Variants in ST6GALNAC2 observed in about 807,000 individuals in gnomAD.
The protein encoded by ST6GALNAC2 is alpha-N-acetylgalactosaminide alpha-2,6-sialyltransferase 2.
A neutral mutation model predicts 38.7 loss-of-function variants in ST6GALNAC2; 42 were observed. That is an observed-to-expected ratio of 1.09 (90% confidence interval 0.85 to 1.40). The LOEUF is 1.40. Among genes scored for constraint, ST6GALNAC2 ranks in the 40% most tolerant of loss-of-function variants. The pLI, the probability that ST6GALNAC2 is intolerant of heterozygous loss-of-function variation, is 0.00. For synonymous variants in ST6GALNAC2, 233 were observed against 209.0 expected, an observed-to-expected ratio of 1.11 and a Z score of -0.99; for missense variants, 506 against 481.7, an observed-to-expected ratio of 1.05 and a Z score of -0.47.
At chr17:76,579,328 G>C (rs2075451102) in intron 1 of ST6GALNAC2, among the ~76,000 whole-genome samples, 1 of 152,238 alleles carries the variant, frequency 6.6e-6, no homozygotes, top group South Asian at 2.1e-4. Context: ...CCCTCAGCAA[G>C]TGGCAGAAAT....
chr17:76,581,401 C>T (rs9892510), intron 1 of ST6GALNAC2, among the ~76,000 whole-genome samples: 114,057 of 151,614 alleles, frequency 0.75, 43,217 homozygotes, highest in East Asian at 0.84. Context: ...TCTGATCTGA[C>T]TGTTCTGGGG....
intron 8 of ST6GALNAC2, among the ~76,000 whole-genome samples, chr17:76,566,508 C>T (rs908123688): frequency 5.9e-5 from 9 of 152,044 alleles, no homozygotes; most frequent in African/African-American, 1.9e-4. Flanking sequence ...GAGGCAAAAG[C>T]CCATTACTAC....
intron 7 of ST6GALNAC2, chr17:76,568,432 A>G: frequency 2.1e-6 from 1 of 479,948 alleles, no homozygotes; most frequent in Non-Finnish European, 3.7e-6. Context: ...TGTGCACCTT[A>G]TGGTCCCAGC....
At position 76,573,427 on chromosome 17, in the gene ST6GALNAC2, C is replaced by G; in HGVS notation, c.362-64G>C. 4 of 1,428,552 alleles carry G rather than the reference C, an allele frequency of 2.8e-6. No individual in the cohort carries two copies. The highest frequency in any genetic ancestry group is 2.7e-5 in the East Asian group (1 of 37,534). 88.5% of individuals were successfully genotyped at this position (1,428,552 alleles called of 1,614,324 possible). ...GCATCGGGGGCACCTGGGGCCTTCC[C>G]TAGGCTGGTTCTGGTGCCCCATCTC... On this transcript the variant is annotated intron_variant, in intron 3 of 8. Transcript: ENST00000225276. This position sits in a 1 kb window ranked among gnomAD's most constrained non-coding sequence, Gnocchi z 5.1.
At chr17:76,569,036 T>A in intron 6 of ST6GALNAC2, 1 of 97,850 alleles carries the variant, frequency 1.0e-5, no homozygotes, top group Non-Finnish European at 1.9e-5. Flanking sequence ...GAGGGGGGCA[T>A]GAACAGACCG....
Position 76,585,675 on chromosome 17 carries a change from A to G in ST6GALNAC2, c.125+9T>C. 6.6e-7 allele frequency: 1 copy of G among 1,521,976 alleles called. No homozygotes were observed. Among genetic ancestry groups the G allele is most frequent in the Non-Finnish European group, 8.8e-7 (1 of 1,140,054 alleles). The allele number at this position is 1,521,976 out of a possible 1,614,324, so 94.3% of individuals were successfully genotyped here. ...TGCGCCCTCCCGCTCTGCGCTCGGC[A>G]GCCCCTACCTGGCTCCGGCCGCTGG... On this transcript the variant is annotated intron_variant, in intron 1 of 8. Transcript: ENST00000225276.
intron 1 of ST6GALNAC2, among the ~76,000 whole-genome samples, chr17:76,584,524 G>C (rs889094996): frequency 6.6e-6 from 1 of 152,172 alleles, no homozygotes; most frequent in African/African-American, 2.4e-5. Context: ...CTGTCAACCA[G>C]GCTGGAATGC....
Position 76,572,623 on chromosome 17 carries a change from G to T in ST6GALNAC2, c.669+14C>A, listed in dbSNP as rs778096659. The T allele has an allele frequency of 3.1e-6, 5 of 1,613,668 alleles. No individual in the cohort carries two copies. Among genetic ancestry groups the T allele is most frequent in the Non-Finnish European group, 2.5e-6 (3 of 1,179,930 alleles). ...CATTGTCAACCACAATGGCATGCCC[G>T]CCAGAGGCCTCACCTGTCCTTGTGG... On this transcript the variant is annotated intron_variant, in intron 5 of 8. Transcript: ENST00000225276.
At chr17:76,578,582 C>G (rs945836669) in intron 2 of ST6GALNAC2, among the ~76,000 whole-genome samples, 174 bp downstream of exon 2, 2 of 152,052 alleles carry the variant, frequency 1.3e-5, no homozygotes, top group African/African-American at 4.8e-5. Context: ...CACAAGAAAC[C>G]CTATTGGTCA....
intron 1 of ST6GALNAC2, among the ~76,000 whole-genome samples, chr17:76,583,026 A>G (rs1179294952): frequency 6.6e-6 from 1 of 152,260 alleles, no homozygotes; most frequent in African/African-American, 2.4e-5. Context: ...AGTAAACTTC[A>G]TACTTAAAGT....
At chr17:76,566,439 C>T (rs995095413) in intron 8 of ST6GALNAC2, among the ~76,000 whole-genome samples, 168 bp from the exon 9 acceptor site, 1 of 152,156 alleles carries the variant, frequency 6.6e-6, no homozygotes, top group East Asian at 1.9e-4. Flanking sequence ...GGGTGACTCA[C>T]TGTGTCCCCA....
chr17:76,575,908 G>A (rs912728273), intron 2 of ST6GALNAC2, among the ~76,000 whole-genome samples: 1 of 152,224 alleles, frequency 6.6e-6, no homozygotes, highest in African/African-American at 2.4e-5. Context: ...TGCAACTTAT[G>A]AGTGGCTAAA....
intron 5 of ST6GALNAC2, 118 bp downstream of exon 5, chr17:76,572,519 G>T: frequency 8.1e-7 from 1 of 1,230,982 alleles, no homozygotes. Flanking sequence ...CCAGAATCCT[G>T]GCACCCCCTC....
In ST6GALNAC2 at chr17:76,573,077, G is replaced by T. The variant is rs1407602068; in HGVS notation, c.530+118C>A. The T allele has an allele frequency of 4.9e-5, 57 of 1,158,892 alleles. No individual in the cohort carries two copies. Among genetic ancestry groups the T allele is most frequent in the Non-Finnish European group, 7.2e-6 (6 of 832,024 alleles). 71.8% of individuals were successfully genotyped at this position (1,158,892 alleles called of 1,614,324 possible). A position where few individuals can be genotyped will look rare whatever the true frequency, so the allele number is the denominator to read the frequency against. On this transcript the variant is annotated intron_variant, in intron 4 of 8. Coordinates refer to ENST00000225276, the MANE Select transcript of ST6GALNAC2 (RefSeq NM_006456.3). The surrounding 1 kb of genome is among the most constrained non-coding windows in gnomAD (Gnocchi z 5.1). Reference sequence around the variant, plus strand: ...TTGCCTTGTCCATGCCCGTGTGCTGGTCACAACTGCTGAGCCGCCCAGGCC... The same window carrying T: ...TTGCCTTGTCCATGCCCGTGTGCTGTTCACAACTGCTGAGCCGCCCAGGCC...
At position 76,565,672 on chromosome 17, in the gene ST6GALNAC2, T is replaced by TC. The variant is rs1337748757; in HGVS notation, c.*431dup. ...TTATTATGGAGCAGAAGTAAGCCTA[T>TC]CATGTTCTTAGAAAGGCTCTTAAGA... On this transcript the variant is annotated 3_prime_UTR_variant, in exon 9 of 9. Coordinates refer to ENST00000225276, the MANE Select transcript of ST6GALNAC2 (RefSeq NM_006456.3). 1 of 158,544 alleles carries TC rather than the reference T, an allele frequency of 6.3e-6. No individual in the cohort carries two copies. Among genetic ancestry groups the TC allele is most frequent in the African/African-American group, 2.4e-5 (1 of 41,548 alleles). The allele number at this position is 158,544 out of a possible 1,614,324, so 9.8% of individuals were successfully genotyped here. A position where few individuals can be genotyped will look rare whatever the true frequency, so the allele number is the denominator to read the frequency against.
chr17:76,581,629 A>T (rs1341123429), intron 1 of ST6GALNAC2, among the ~76,000 whole-genome samples: 1 of 152,010 alleles, frequency 6.6e-6, no homozygotes, highest in Non-Finnish European at 1.5e-5. Context: ...GCCTGGTGTG[A>T]CTTTAGAGTA....
intron 4 of ST6GALNAC2, 99 bp from the exon 5 acceptor site, chr17:76,572,874 T>C: frequency 2.8e-6 from 4 of 1,427,260 alleles, no homozygotes; most frequent in African/African-American, 1.4e-5. Flanking sequence ...CCTGCCTCTG[T>C]ATGACCACTC....
chr17:76,585,860 G>A lies in ST6GALNAC2; in HGVS notation c.-52C>T. On this transcript the variant is annotated 5_prime_UTR_variant, in exon 1 of 9. Coordinates refer to ENST00000225276, the MANE Select transcript of ST6GALNAC2 (RefSeq NM_006456.3). ...CCGCTGACGTCCCAGGCAGAAGGGA[G>A]AGAACCGGGTGGGCCGGGTGGCACT... 6.7e-7 allele frequency: 1 copy of A among 1,493,362 alleles called. No homozygotes were observed. Among genetic ancestry groups the A allele is most frequent in the South Asian group, 1.3e-5 (1 of 79,828 alleles). 92.5% of individuals were successfully genotyped at this position (1,493,362 alleles called of 1,614,324 possible).
At chr17:76,580,403 G>C (rs1350198467) in intron 1 of ST6GALNAC2, among the ~76,000 whole-genome samples, 1 of 151,954 alleles carries the variant, frequency 6.6e-6, no homozygotes, top group Non-Finnish European at 1.5e-5. Flanking sequence ...GGGTGAAAGA[G>C]TGAAACTCCT....
Sources: gnomAD v4.1 joint callset for allele counts (sites outside exome capture counted in the v4.1 genomes callset) on GRCh38, gnomAD v4.1.1 for gene constraint, Gnocchi (gnomAD v3.1) non-coding constraint, MANE v1.5 for transcripts, NCBI Gene and HGNC (gene_info 2026-07-23, HGNC 2026-07-21) for gene names.